KLHL15: variants seen among roughly 807,000 people sequenced by gnomAD.
KLHL15 encodes kelch like family member 15.
Under a neutral mutation model 29.3 loss-of-function variants are expected in KLHL15, and 1 was observed. That is an observed-to-expected ratio of 0.03 (90% CI 0.01 to 0.16). The LOEUF (loss-of-function observed/expected upper bound fraction) is 0.16, where lower values mean the gene tolerates loss of function less well. KLHL15 is among the 10% of genes least tolerant of loss of function. The probability of loss-of-function intolerance (pLI) is 1.00; values close to 1 mark genes in which losing one functional copy is unlikely to be tolerated. For missense variants in KLHL15, 215 were observed against 478.5 expected (o/e 0.45, Z 5.14); for synonymous variants, 212 against 184.5 (o/e 1.15, Z -1.21).
chrX:24,026,952 A>C (rs1418783388), intron 1 of KLHL15, among the ~76,000 whole-genome samples, 188 bp downstream of exon 1: 1 of 112,399 alleles, frequency 8.9e-6, no homozygotes, highest in Non-Finnish European at 1.9e-5. Context: ...CTACATGACA[A>C]ATTACCCCAG....
At chrX:23,992,560 A>G (rs1929107296) in intron 3 of KLHL15, among the ~76,000 whole-genome samples, 1 of 112,289 alleles carries the variant, frequency 8.9e-6, no homozygotes. Flanking sequence ...GGAGATCAAA[A>G]AACAAAGGAA....
At chrX:23,998,606 T>A (rs1267936209) in intron 3 of KLHL15, among the ~76,000 whole-genome samples, 1 of 111,770 alleles carries the variant, frequency 8.9e-6, no homozygotes, top group Non-Finnish European at 1.9e-5. Context: ...GTTCTAGAAT[T>A]CACAACTTAT....
intron 2 of KLHL15, among the ~76,000 whole-genome samples, chrX:24,020,677 T>G (rs997068991): frequency 2.7e-5 from 3 of 111,767 alleles, no homozygotes; most frequent in Non-Finnish European, 5.6e-5. Flanking sequence ...ACACTATGAC[T>G]AGAAGTAGTC....
chrX:23,986,138 C>G lies in KLHL15; in HGVS notation c.*1783G>C, dbSNP rs958020849. 3 of 110,033 alleles carry G rather than the reference C, an allele frequency of 2.7e-5. No individual in the cohort carries two copies. Among genetic ancestry groups the G allele is most frequent in the Non-Finnish European group, 5.7e-5 (3 of 52,645 alleles). The allele number at this position is 110,033 out of a possible 1,213,427, so 9.1% of individuals were successfully genotyped here. ...TACTTATGTACCTGGTTTCTTAAACCCAAATGCCTCCAATTCTGGAGTTTG... is the reference window on the plus strand; with the variant it reads ...TACTTATGTACCTGGTTTCTTAAACGCAAATGCCTCCAATTCTGGAGTTTG... On this transcript the variant is annotated 3_prime_UTR_variant, in exon 4 of 4. Transcript: ENST00000328046.
intron 2 of KLHL15, among the ~76,000 whole-genome samples, chrX:24,010,473 A>T (rs749367841): frequency 8.9e-6 from 1 of 112,440 alleles, no homozygotes; most frequent in Non-Finnish European, 1.9e-5. Context: ...CCCTGCTGGT[A>T]TAACACTGAA....
At chrX:24,003,022 C>T (rs1485033365) in intron 3 of KLHL15, among the ~76,000 whole-genome samples, 1 of 112,543 alleles carries the variant, frequency 8.9e-6, no homozygotes, top group Non-Finnish European at 1.9e-5. Flanking sequence ...ATGCAAACAG[C>T]TTAGAATTTT....
chrX:23,993,602 C>T (rs1929127551), intron 3 of KLHL15, among the ~76,000 whole-genome samples: 1 of 110,900 alleles, frequency 9.0e-6, no homozygotes. Context: ...GGTGAGGTGA[C>T]TGGAAGTTCA....
intron 3 of KLHL15, among the ~76,000 whole-genome samples, chrX:24,003,394 T>C (rs1172452444): frequency 4.4e-4 from 45 of 101,453 alleles, no homozygotes; most frequent in Non-Finnish European, 7.9e-4. Flanking sequence ...AAAAAAAAAA[T>C]GCAAAAAAAT....
chrX:23,988,929 A>G lies in KLHL15; in HGVS notation c.807T>C (p.Asp269=). 8.3e-7 allele frequency: 1 copy of G among 1,211,788 alleles called. No homozygotes were observed. Among genetic ancestry groups the G allele is most frequent in the South Asian group, 1.8e-5 (1 of 57,001 alleles). The part of the protein sequence containing the change: ...FQNVHQQPLL[D]MKSSRIRSAK... Reference sequence around the variant, plus strand: ...CAGAACGGATGCGGCTTGACTTCATATCCAACAAAGGCTGCTGGTGAACAT... The same window carrying G: ...CAGAACGGATGCGGCTTGACTTCATGTCCAACAAAGGCTGCTGGTGAACAT... Residue 269 remains aspartate (D), a synonymous_variant, in exon 4 of 4, where the codon GAT becomes GAC. Coordinates refer to ENST00000328046, the MANE Select transcript of KLHL15 (RefSeq NM_030624.3).
At position 23,987,237 on chromosome X, in the gene KLHL15, G is replaced by A. The variant is rs1929002935; in HGVS notation, c.*684C>T. 9.0e-6 allele frequency: 1 copy of A among 111,578 alleles called. No homozygotes were observed. The highest frequency in any genetic ancestry group is 1.9e-5 in the Non-Finnish European group (1 of 53,075). 9.2% of individuals were successfully genotyped at this position (111,578 alleles called of 1,213,427 possible). ...GTTACATCTAAAATTCAACAAGTAT[G>A]GCGAACTGTGTGTGCAAGTAAGTGC... is the stretch of plus-strand genomic sequence containing the variant. On this transcript the variant is annotated 3_prime_UTR_variant, in exon 4 of 4. Coordinates refer to ENST00000328046, the MANE Select transcript of KLHL15 (RefSeq NM_030624.3).
intron 3 of KLHL15, 117 bp from the exon 4 acceptor site, chrX:23,989,147 T>A (rs1229167784): frequency 9.1e-6 from 5 of 551,206 alleles, no homozygotes; most frequent in Middle Eastern, 4.9e-4. Context: ...CTTTTCCTGC[T>A]AAGATCACCT....
intron 1 of KLHL15, 28 bp from the exon 2 acceptor site, chrX:24,025,086 G>C (rs897206887): frequency 3.4e-6 from 1 of 295,868 alleles, no homozygotes; most frequent in Admixed American, 6.1e-5. Context: ...GCTGAGTCGA[G>C]AAACCAGACA....
At chrX:23,995,396 G>T (rs1247247896) in intron 3 of KLHL15, among the ~76,000 whole-genome samples, 4 of 73,020 alleles carry the variant, frequency 5.5e-5, no homozygotes, top group Non-Finnish European at 7.0e-5. Flanking sequence ...AACAGAGCGA[G>T]ACTCTGTCTC....
intron 3 of KLHL15, among the ~76,000 whole-genome samples, chrX:23,995,714 C>G (rs954894908): frequency 9.1e-6 from 1 of 110,008 alleles, no homozygotes; most frequent in Admixed American, 9.8e-5. Context: ...CATGAGCCAC[C>G]GTGCCCAGCC....
At chrX:23,999,353 T>C (rs1929260130) in intron 3 of KLHL15, among the ~76,000 whole-genome samples, 2 of 107,710 alleles carry the variant, frequency 1.9e-5, no homozygotes, top group African/African-American at 3.4e-5. Context: ...CCCAGCACTT[T>C]GGGAGGCCGA....
rs1491351216 is a variant in KLHL15 at position 24,001,801 on chromosome X, TCA to T, written c.705+4186_705+4187del. Among the ~76,000 whole-genome samples the T allele has an allele frequency of 9.1e-3, 127 of 13,913 alleles. 2 individuals carry two copies. The Admixed American group carries it at 0.11, about 12-fold the overall frequency. 12.1% of individuals were successfully genotyped at this position (13,913 alleles called of 115,157 possible). On this transcript the variant is annotated intron_variant, in intron 3 of 3. Transcript: ENST00000328046. ...CCTAGGAGACAGAGCGAGACTTGAC[TCA>T]AAAAAAAAAAAAAAAAAAAAAAAAG...
At chrX:24,021,835 A>G (rs778168863) in intron 2 of KLHL15, among the ~76,000 whole-genome samples, 8 of 111,109 alleles carry the variant, frequency 7.2e-5, no homozygotes, top group Non-Finnish European at 1.5e-4. Flanking sequence ...ATAAAAAAAA[A>G]AAAGCACCAC....
chrX:24,023,877 C>T (rs368907739), intron 2 of KLHL15, among the ~76,000 whole-genome samples: 4 of 112,331 alleles, frequency 3.6e-5, no homozygotes, highest in African/African-American at 1.3e-4. Flanking sequence ...CATTGATAAG[C>T]TCTTCAAAAC....
intron 3 of KLHL15, among the ~76,000 whole-genome samples, chrX:23,999,590 G>A (rs1338115212): frequency 6.8e-5 from 3 of 43,813 alleles, no homozygotes; most frequent in African/African-American, 6.9e-4. Context: ...GCGAGACTCC[G>A]TCTCAAAAAA....
Sources: allele counts gnomAD v4.1 joint callset (sites outside exome capture counted in the v4.1 genomes callset), GRCh38; gene constraint gnomAD v4.1.1; transcripts MANE v1.5; gene names NCBI Gene and HGNC (gene_info 2026-07-23, HGNC 2026-07-21).